The following PCLO variants were observed in gnomAD, a reference collection of about 807,000 sequenced individuals.
PCLO encodes the protein protein piccolo.
A neutral mutation model predicts 427.5 loss-of-function variants in PCLO; 82 were observed. That is an observed-to-expected ratio of 0.19 (90% confidence interval 0.16 to 0.23). PCLO has a LOEUF of 0.23. PCLO is among the 10% of genes least tolerant of loss of function. The pLI is 1.00. For missense variants in PCLO, 6,239 were observed against 6,115.9 expected, an observed-to-expected ratio of 1.02 and a Z score of -0.67; for synonymous variants, 2,357 against 2,155.4, an observed-to-expected ratio of 1.09 and a Z score of -2.59.
intron 22 of PCLO, among the ~76,000 whole-genome samples, chr7:82,777,336 A>G (rs1238801495): frequency 6.6e-6 from 1 of 152,176 alleles, no homozygotes; most frequent in Non-Finnish European, 1.5e-5. Context: ...GCCCAAAGTA[A>G]TTTATAGATT....
At chr7:83,093,492 A>ATATATATATATATATTTTTTTTTTTT in intron 3 of PCLO, among the ~76,000 whole-genome samples, 5 of 59,330 alleles carry the variant, frequency 8.4e-5, no homozygotes, top group Non-Finnish European at 6.5e-5. Flanking sequence ...ATATATATAT[A>ATATATATATATATATTTTTTTTTTTT]TTTTTTTTTT....
chr7:83,063,528 T>A (rs1342340666), intron 3 of PCLO, among the ~76,000 whole-genome samples: 1 of 152,098 alleles, frequency 6.6e-6, no homozygotes, highest in African/African-American at 2.4e-5. Flanking sequence ...ATAAGCTTTG[T>A]GTTAGAGGAT....
At chr7:82,799,036 C>A (rs1401456953) in intron 22 of PCLO, among the ~76,000 whole-genome samples, 1 of 152,080 alleles carries the variant, frequency 6.6e-6, no homozygotes, top group African/African-American at 2.4e-5. Context: ...TTGTGTGGGA[C>A]TGATATGAAA....
intron 10 of PCLO, among the ~76,000 whole-genome samples, chr7:82,868,957 T>G (rs1793163281): frequency 6.6e-6 from 1 of 152,182 alleles, no homozygotes; most frequent in African/African-American, 2.4e-5. Context: ...ATATGATATT[T>G]AGTCCTTGTG....
At chr7:82,964,321 C>A (rs1795717731) in intron 4 of PCLO, among the ~76,000 whole-genome samples, 1 of 151,886 alleles carries the variant, frequency 6.6e-6, no homozygotes, top group African/African-American at 2.4e-5. Flanking sequence ...AAGTTACAAG[C>A]AGAAACTGTT....
At chr7:82,892,170 C>T (rs1323989441) in intron 9 of PCLO, among the ~76,000 whole-genome samples, 2 of 152,176 alleles carry the variant, frequency 1.3e-5, no homozygotes, top group African/African-American at 2.4e-5. Flanking sequence ...CTCCTGACTT[C>T]AAACTATACT....
chr7:82,949,256 T>TACACACAC (rs369915572), intron 6 of PCLO, among the ~76,000 whole-genome samples: 14 of 149,804 alleles, frequency 9.3e-5, no homozygotes, highest in African/African-American at 3.2e-4. Context: ...TATGGTTTCC[T>TACACACAC]ACACACACAC....
chr7:82,832,077 C>T (rs910223473), intron 16 of PCLO, among the ~76,000 whole-genome samples: 1 of 151,988 alleles, frequency 6.6e-6, no homozygotes, highest in Non-Finnish European at 1.5e-5. Context: ...ACTATATTCT[C>T]TTGTGGGAAG....
chr7:83,000,159 G>T (rs1193948578), intron 3 of PCLO, among the ~76,000 whole-genome samples: 1 of 151,426 alleles, frequency 6.6e-6, no homozygotes, highest in African/African-American at 2.4e-5. Flanking sequence ...CCAGTGTGGT[G>T]TGTCAGGGAA....
chr7:83,149,938 G>A (rs1792086865), intron 2 of PCLO, among the ~76,000 whole-genome samples: 2 of 152,102 alleles, frequency 1.3e-5, no homozygotes, highest in South Asian at 4.2e-4. Flanking sequence ...CTATGGTTTT[G>A]TTAGACAAAA....
chr7:82,788,290 G>T (rs1008039988), intron 22 of PCLO, among the ~76,000 whole-genome samples: 21 of 146,146 alleles, frequency 1.4e-4, no homozygotes, highest in Non-Finnish European at 2.4e-4. Flanking sequence ...ATATATAATT[G>T]ATATAGTTAT....
chr7:82,863,419 T>C (rs1793013606), intron 10 of PCLO, among the ~76,000 whole-genome samples: 1 of 151,948 alleles, frequency 6.6e-6, no homozygotes, highest in Admixed American at 6.6e-5. Context: ...TTCTGTTCTT[T>C]ATATCACAAT....
intron 3 of PCLO, among the ~76,000 whole-genome samples, chr7:83,089,364 T>C (rs1003403737): frequency 2.0e-5 from 3 of 152,126 alleles, no homozygotes; most frequent in African/African-American, 7.2e-5. Flanking sequence ...TCTTCACCAG[T>C]CTTTCTTATT....
At chr7:82,788,933 T>C (rs1272792144) in intron 22 of PCLO, among the ~76,000 whole-genome samples, 1 of 152,008 alleles carries the variant, frequency 6.6e-6, no homozygotes, top group African/African-American at 2.4e-5. Context: ...AAAAGCAGGT[T>C]TTAAAATAAC....
intron 2 of PCLO, among the ~76,000 whole-genome samples, chr7:83,147,096 G>A (rs1792014540): frequency 6.7e-6 from 1 of 150,222 alleles, no homozygotes; most frequent in Non-Finnish European, 1.5e-5. Context: ...TGGTTCCAAT[G>A]ATTAAACTTA....
chr7:83,056,416 GT>G (rs1166860235), intron 3 of PCLO, among the ~76,000 whole-genome samples: 2 of 152,128 alleles, frequency 1.3e-5, no homozygotes, highest in Non-Finnish European at 2.9e-5. Flanking sequence ...AGAAAAATGT[GT>G]TTTTATATAT....
chr7:83,038,025 A>ATATATATATATATATATATATTTATATT (rs1562932933), intron 3 of PCLO, among the ~76,000 whole-genome samples: 4 of 49,098 alleles, frequency 8.1e-5, no homozygotes, highest in African/African-American at 1.5e-4. Flanking sequence ...ATATATATAT[A>ATATATATATATATATATATATTTATATT]TATATTTATA....
chr7:82,889,200 G>A (rs1413823324), intron 9 of PCLO, among the ~76,000 whole-genome samples: 1 of 152,046 alleles, frequency 6.6e-6, no homozygotes, highest in Non-Finnish European at 1.5e-5. Flanking sequence ...CATGTGTGGT[G>A]TCCTGTTCCC....
chr7:82,829,942 G>C (rs1228552295), intron 16 of PCLO, among the ~76,000 whole-genome samples: 1 of 151,798 alleles, frequency 6.6e-6, no homozygotes, highest in Non-Finnish European at 1.5e-5. Context: ...GATACATCTT[G>C]AAAAAAGTTT....
Sources: gnomAD v4.1 joint callset for allele counts (sites outside exome capture counted in the v4.1 genomes callset) on GRCh38, gnomAD v4.1.1 for gene constraint, MANE v1.5 for transcripts, NCBI Gene and HGNC (gene_info 2026-07-23, HGNC 2026-07-21) for gene names.